The following SPPL2A variants were observed in gnomAD, a reference collection of about 807,000 sequenced individuals.
SPPL2A encodes signal peptide peptidase-like 2A.
SPPL2A carries 51 observed loss-of-function variants against 63.8 expected under a neutral mutation model. The observed-to-expected ratio is 0.80, with a 90% confidence interval of 0.64 to 1.01. The LOEUF is 1.01. Among genes scored for constraint, SPPL2A ranks in the 50% least tolerant of loss-of-function variants. The pLI, the probability that SPPL2A is intolerant of heterozygous loss-of-function variation, is 0.00. For synonymous variants in SPPL2A, 188 were observed against 205.8 expected, an observed-to-expected ratio of 0.91 and a Z score of 0.74; for missense variants, 553 against 622.7, an observed-to-expected ratio of 0.89 and a Z score of 1.19.
intron 6 of SPPL2A, among the ~76,000 whole-genome samples, chr15:50,739,465 C>T (rs1217830208): frequency 1.3e-5 from 2 of 151,636 alleles, no homozygotes; most frequent in Non-Finnish European, 3.0e-5. Flanking sequence ...AGGTGTGAGT[C>T]ACTGCTCCTG....
chr15:50,709,695 T>C (rs1454034991), intron 14 of SPPL2A, among the ~76,000 whole-genome samples: 1 of 151,588 alleles, frequency 6.6e-6, no homozygotes, highest in African/African-American at 2.4e-5. Context: ...GAGACTGAGG[T>C]GGGAGAATTG....
In SPPL2A at chr15:50,739,832, TACAA is replaced by T. The variant is rs1161626514; in HGVS notation, c.585-8_585-5del. ...TGTCACTGCTTTCAAGTTTTCCCTGTACAAACACACAGGAACTTTAGCAAATCTT... is the reference window on the plus strand; with the variant it reads ...TGTCACTGCTTTCAAGTTTTCCCTGTACACACAGGAACTTTAGCAAATCTT... On this transcript the variant is annotated splice_polypyrimidine_tract_variant and splice_region_variant and intron_variant, in intron 5 of 14. Coordinates refer to ENST00000261854, the MANE Select transcript of SPPL2A (RefSeq NM_032802.4). 6.3e-7 allele frequency: 1 copy of T among 1,587,824 alleles called. No individual in the cohort carries two copies. The highest frequency in any genetic ancestry group is 2.3e-5 in the East Asian group (1 of 42,678).
chr15:50,759,492 C>T (rs143507524), intron 1 of SPPL2A, among the ~76,000 whole-genome samples: 2,111 of 152,056 alleles, frequency 0.014, 40 homozygotes, highest in Non-Finnish European at 0.017. Context: ...GCCTGTAATC[C>T]CAACATTTTG....
intron 1 of SPPL2A, among the ~76,000 whole-genome samples, chr15:50,761,254 C>T (rs1250872608): frequency 6.6e-6 from 1 of 152,044 alleles, no homozygotes; most frequent in Non-Finnish European, 1.5e-5. Context: ...AAGCAATCCT[C>T]CAAAACAGAA....
chr15:50,739,740 T>C lies in SPPL2A; in HGVS notation c.673A>G (p.Ile225Val). The change falls in exon 6 of 15, where the codon ATA (isoleucine) becomes GTA (valine). Residue 225 changes from isoleucine to valine, a missense_variant. Physicochemically the swap from Ile to Val is conservative, Grantham distance 29. Coordinates refer to ENST00000261854, the MANE Select transcript of SPPL2A (RefSeq NM_032802.4). Reference sequence around the variant, plus strand: ...ATAACACAGCAGATGACCACAAATATTACAACTGTAAGAGGACTAAAAGTT... The same window carrying C: ...ATAACACAGCAGATGACCACAAATACTACAACTGTAAGAGGACTAAAAGTT... Reference protein sequence around the residue: ...YLTFSPLTVVIFVVICCVMMV... With the variant: ...YLTFSPLTVVVFVVICCVMMV... 1 of 1,602,648 alleles carries C rather than the reference T, an allele frequency of 6.2e-7. No individual in the cohort carries two copies. Among genetic ancestry groups the C allele is most frequent in the East Asian group, 2.3e-5 (1 of 43,998 alleles).
chr15:50,732,498 C>G (rs2062738984), intron 9 of SPPL2A, 105 bp downstream of exon 9: 1 of 650,296 alleles, frequency 1.5e-6, no homozygotes, highest in East Asian at 2.8e-5. Context: ...TTTTCATAAA[C>G]AGTACGCCAA....
At chr15:50,752,910 C>G (rs71471514) in intron 1 of SPPL2A, among the ~76,000 whole-genome samples, 9,027 of 152,128 alleles carry the variant, frequency 0.059, 361 homozygotes, top group Middle Eastern at 0.1. Flanking sequence ...TGCTGCTGCT[C>G]AAGTGGTATA....
chr15:50,724,774 T>C (rs1416327758), intron 12 of SPPL2A, among the ~76,000 whole-genome samples: 1 of 152,226 alleles, frequency 6.6e-6, no homozygotes, highest in African/African-American at 2.4e-5. Context: ...AAACTGTGTC[T>C]TTTTGTATTA....
Position 50,706,890 on chromosome 15 carries a change from T to C in SPPL2A, c.*910A>G, listed in dbSNP as rs2062513506. The C allele has an allele frequency of 6.6e-6, 1 of 152,146 alleles. No individual in the cohort carries two copies. The highest frequency in any genetic ancestry group is 6.6e-5 in the Admixed American group (1 of 15,254). 9.4% of individuals were successfully genotyped at this position (152,146 alleles called of 1,614,324 possible). ...TGACTAGTTCTATATATTATGTTTC[T>C]CTATATCTGGAAAAATGTTCTTAAT... On this transcript the variant is annotated 3_prime_UTR_variant, in exon 15 of 15. Coordinates refer to ENST00000261854, the MANE Select transcript of SPPL2A (RefSeq NM_032802.4).
At chr15:50,760,700 GTGGGGCTGT>G (rs1281162054) in intron 1 of SPPL2A, among the ~76,000 whole-genome samples, 2 of 152,076 alleles carry the variant, frequency 1.3e-5, no homozygotes, top group African/African-American at 4.8e-5. Context: ...TGAATTTGGG[GTGGGGCTGT>G]TGGGGGTGTG....
At chr15:50,743,078 C>CTTAA (rs1205596640) in intron 5 of SPPL2A, 1 of 152,376 alleles carries the variant, frequency 6.6e-6, no homozygotes, top group African/African-American at 2.4e-5. Context: ...TCGAAACTAG[C>CTTAA]CTGGGCAACA....
intron 14 of SPPL2A, among the ~76,000 whole-genome samples, chr15:50,719,228 C>T (rs2062624850): frequency 1.3e-5 from 2 of 152,060 alleles, no homozygotes; most frequent in African/African-American, 2.4e-5. Flanking sequence ...TTTGGTTAGG[C>T]CCATTTAGAT....
In SPPL2A at chr15:50,706,146, C is replaced by T. The variant is rs1381659052; in HGVS notation, c.*1654G>A. 2.0e-5 allele frequency: 3 copies of T among 152,038 alleles called. No individual in the cohort carries two copies. The highest frequency in any genetic ancestry group is 7.2e-5 in the African/African-American group (3 of 41,404). The allele number at this position is 152,038 out of a possible 1,614,324, so 9.4% of individuals were successfully genotyped here. ...GTGGCTCACGCCTGTAATCCCAGCA[C>T]TTTGGGAGGCCGAGGCGGGCGGATC... On this transcript the variant is annotated 3_prime_UTR_variant, in exon 15 of 15. Coordinates refer to ENST00000261854, the MANE Select transcript of SPPL2A (RefSeq NM_032802.4).
In SPPL2A at chr15:50,703,349, TATATATA is replaced by T. The variant is rs2062489405; in HGVS notation, c.*4444_*4450del. 1.3e-4 allele frequency: 11 copies of T among 87,946 alleles called. No individual in the cohort carries two copies. The South Asian group carries it at 2.5e-3, about 20-fold the overall frequency. 5.4% of individuals were successfully genotyped at this position (87,946 alleles called of 1,614,324 possible). ...ACATATATATATATATATATATACA[TATATATA>T]TTTTTTTTTTTTTTTTTTTTTTTTG... On this transcript the variant is annotated 3_prime_UTR_variant, in exon 15 of 15. Transcript: ENST00000261854.
At chr15:50,755,746 G>A (rs115862804) in intron 1 of SPPL2A, among the ~76,000 whole-genome samples, 2,574 of 151,616 alleles carry the variant, frequency 0.017, 31 homozygotes, top group African/African-American at 0.031. Flanking sequence ...AAGCCCTTCT[G>A]GAGATTCTGA....
At chr15:50,715,736 G>A (rs2062594934) in intron 14 of SPPL2A, among the ~76,000 whole-genome samples, 2 of 152,066 alleles carry the variant, frequency 1.3e-5, no homozygotes, top group African/African-American at 2.4e-5. Flanking sequence ...TTACTAAAAT[G>A]CAATCAGTAA....
rs112378788 is a variant in SPPL2A at position 50,765,156 on chromosome 15, A to G, written c.66+312T>C. On this transcript the variant is annotated intron_variant, in intron 1 of 14. Transcript: ENST00000261854. ...AAATATGCTGGGACAGTGAGCAACT[A>G]TCGAGAAGCATCAAGGTCAACGCAA... Among the ~76,000 whole-genome samples the G allele has an allele frequency of 3.4e-3, 520 of 152,258 alleles. 2 individuals carry two copies. Among genetic ancestry groups the G allele is most frequent in the African/African-American group, 0.012 (494 of 41,552 alleles).
At chr15:50,717,439 C>G (rs2062606623) in intron 14 of SPPL2A, among the ~76,000 whole-genome samples, 1 of 152,162 alleles carries the variant, frequency 6.6e-6, no homozygotes, top group African/African-American at 2.4e-5. Flanking sequence ...TCCCAAAGTG[C>G]TGCAATTATC....
At chr15:50,753,106 T>C (rs1012924435) in intron 1 of SPPL2A, among the ~76,000 whole-genome samples, 2 of 152,172 alleles carry the variant, frequency 1.3e-5, no homozygotes, top group Non-Finnish European at 2.9e-5. Context: ...CATTATGATA[T>C]GCACAGTACA....
Sources: allele counts gnomAD v4.1 joint callset (sites outside exome capture counted in the v4.1 genomes callset), GRCh38; gene constraint gnomAD v4.1.1; transcripts MANE v1.5; gene names NCBI Gene and HGNC (gene_info 2026-07-23, HGNC 2026-07-21).